Variants in CPNE4 observed in about 807,000 individuals in gnomAD.
CPNE4 encodes copine 4.
Under a neutral mutation model 67.9 loss-of-function variants are expected in CPNE4, and 25 were observed. That is an observed-to-expected ratio of 0.37 (90% CI 0.27 to 0.51). The LOEUF is 0.51. CPNE4 is among the 20% of genes least tolerant of loss of function. The pLI, the probability that CPNE4 is intolerant of heterozygous loss-of-function variation, is 0.93. For synonymous variants in CPNE4, 242 were observed against 244.9 expected (o/e 0.99, Z 0.11); for missense variants, 464 against 690.8 (o/e 0.67, Z 3.68).
At chr3:131,564,764 C>A (rs1936969862) in intron 10 of CPNE4, among the ~76,000 whole-genome samples, 1 of 151,986 alleles carries the variant, frequency 6.6e-6, no homozygotes, top group Non-Finnish European at 1.5e-5. Flanking sequence ...TCCCTTAAAA[C>A]CAAATTCTGT....
At chr3:131,596,148 A>C (rs1418563647) in intron 7 of CPNE4, among the ~76,000 whole-genome samples, 1 of 148,900 alleles carries the variant, frequency 6.7e-6, no homozygotes, top group Non-Finnish European at 1.5e-5. Context: ...GTTCTAACAA[A>C]CAAACAAACA....
intron 1 of CPNE4, among the ~76,000 whole-genome samples, chr3:131,934,801 T>C (rs1468583740): frequency 6.6e-6 from 1 of 152,098 alleles, no homozygotes; most frequent in Admixed American, 6.5e-5. Flanking sequence ...GCAGGGGGAA[T>C]GGGTGAAGTC....
intron 2 of CPNE4, among the ~76,000 whole-genome samples, chr3:131,896,198 A>G (rs1000279213): frequency 3.9e-5 from 6 of 152,112 alleles, no homozygotes; most frequent in Non-Finnish European, 7.4e-5. Context: ...TATGTGAAAT[A>G]TTATACAATC....
chr3:131,556,758 A>G (rs1479054699), intron 11 of CPNE4, among the ~76,000 whole-genome samples: 1 of 152,100 alleles, frequency 6.6e-6, no homozygotes, highest in East Asian at 1.9e-4. Context: ...TCTTATGCAC[A>G]CTGGAGTTTC....
chr3:131,935,095 C>A (rs1430256674), intron 1 of CPNE4, among the ~76,000 whole-genome samples: 1 of 152,028 alleles, frequency 6.6e-6, no homozygotes, highest in African/African-American at 2.4e-5. Context: ...ACTGAGGGCC[C>A]AGATGTTTGT....
chr3:131,542,062 T>C (rs1380896832), intron 15 of CPNE4, among the ~76,000 whole-genome samples: 1 of 152,192 alleles, frequency 6.6e-6, no homozygotes, highest in Admixed American at 6.5e-5. Flanking sequence ...ATAGAGGATT[T>C]AGGTTTCTAT....
At chr3:131,916,906 A>T (rs1194706071) in intron 1 of CPNE4, among the ~76,000 whole-genome samples, 3 of 152,094 alleles carry the variant, frequency 2.0e-5, no homozygotes. Flanking sequence ...TGAAAACAGG[A>T]CTCTTTTATA....
intron 2 of CPNE4, among the ~76,000 whole-genome samples, chr3:131,771,192 T>C (rs1583171462): frequency 6.6e-6 from 1 of 152,160 alleles, no homozygotes; most frequent in East Asian, 1.9e-4. Flanking sequence ...GATCAATAGA[T>C]GTTGAAGAAA....
chr3:131,731,748 A>G (rs2082133315), intron 2 of CPNE4, among the ~76,000 whole-genome samples: 1 of 152,130 alleles, frequency 6.6e-6, no homozygotes, highest in African/African-American at 2.4e-5. Flanking sequence ...GGACTGAAGA[A>G]TGGAATTTTA....
chr3:131,889,600 A>G (rs2088024726), intron 2 of CPNE4, among the ~76,000 whole-genome samples: 1 of 152,214 alleles, frequency 6.6e-6, no homozygotes, highest in Non-Finnish European at 1.5e-5. Flanking sequence ...TGAATTTCAA[A>G]TATTTTTTAG....
intron 11 of CPNE4, among the ~76,000 whole-genome samples, chr3:131,558,557 C>T (rs1936592719): frequency 6.6e-6 from 1 of 151,906 alleles, no homozygotes. Flanking sequence ...ACCCTACGTG[C>T]TTCAATGGTA....
At chr3:131,838,798 T>C (rs1244606502) in intron 2 of CPNE4, among the ~76,000 whole-genome samples, 1 of 151,790 alleles carries the variant, frequency 6.6e-6, no homozygotes, top group Non-Finnish European at 1.5e-5. Flanking sequence ...TTCTAGTTAC[T>C]ATATGTATAT....
At chr3:131,750,047 C>T (rs1032016361) in intron 2 of CPNE4, among the ~76,000 whole-genome samples, 1 of 152,140 alleles carries the variant, frequency 6.6e-6, no homozygotes, top group Non-Finnish European at 1.5e-5. Context: ...CTTACTCTTC[C>T]TACAAAGCCA....
At chr3:131,877,676 A>G (rs9850694) in intron 2 of CPNE4, among the ~76,000 whole-genome samples, 96,375 of 152,062 alleles carry the variant, frequency 0.63, 30,775 homozygotes, top group Admixed American at 0.72. Context: ...AAATATGACT[A>G]TAATAGCTGA....
chr3:131,736,276 C>T (rs1205093703), intron 2 of CPNE4, among the ~76,000 whole-genome samples: 1 of 149,170 alleles, frequency 6.7e-6, no homozygotes, highest in Admixed American at 6.6e-5. Context: ...TTCTAAAAGA[C>T]TTCCTCTTGA....
At chr3:131,772,031 C>T (rs377649601) in intron 2 of CPNE4, among the ~76,000 whole-genome samples, 1 of 152,196 alleles carries the variant, frequency 6.6e-6, no homozygotes, top group South Asian at 2.1e-4. Flanking sequence ...AGTATCCATT[C>T]GCAAATGAAC....
chr3:131,753,287 T>A (rs1291913124), intron 2 of CPNE4, among the ~76,000 whole-genome samples: 2 of 151,828 alleles, frequency 1.3e-5, no homozygotes, highest in Admixed American at 1.3e-4. Flanking sequence ...GACCGTAAAT[T>A]CTCAAATATA....
chr3:131,651,414 C>A (rs942597395), intron 7 of CPNE4, among the ~76,000 whole-genome samples: 1 of 152,236 alleles, frequency 6.6e-6, no homozygotes. Context: ...CCTTTCATTA[C>A]TGAAGATGAT....
rs376531097 is a variant in CPNE4 at position 132,023,527 on chromosome 3, G to T, written c.-2+11040C>A. ...TTTTGAGACGGAGTCTCGCTCTGTC[G>T]CCCAGGCTGGAGTGCAGTGGCGGGA... On this transcript the variant is annotated intron_variant, in intron 1 of 15. Transcript: ENST00000429747. Among the ~76,000 whole-genome samples the T allele has an allele frequency of 3.6e-5, 4 of 111,172 alleles. No homozygotes were observed. The Admixed American group carries it at 4.1e-4, about 12-fold the overall frequency. 72.9% of individuals were successfully genotyped at this position (111,172 alleles called of 152,430 possible). A position where few individuals can be genotyped will look rare whatever the true frequency, so the allele number is the denominator to read the frequency against.
Sources: gnomAD v4.1 joint callset for allele counts (sites outside exome capture counted in the v4.1 genomes callset) on GRCh38, gnomAD v4.1.1 for gene constraint, MANE v1.5 for transcripts, NCBI Gene and HGNC (gene_info 2026-07-23, HGNC 2026-07-21) for gene names.